The following TBC1D30 variants were observed in gnomAD, a reference collection of about 807,000 sequenced individuals.
TBC1D30 encodes TBC1 domain family, member 30.
Under a neutral mutation model 63.2 loss-of-function variants are expected in TBC1D30, and 31 were observed. The ratio of observed to expected loss-of-function variants is 0.49; its 90% CI spans 0.37 to 0.66. TBC1D30 has a LOEUF of 0.66. Among genes scored for constraint, TBC1D30 ranks in the 30% least tolerant of loss-of-function variants. The pLI is 0.00. For missense variants in TBC1D30, 810 were observed against 953.6 expected, an observed-to-expected ratio of 0.85 and a Z score of 1.98; for synonymous variants, 307 against 361.5, an observed-to-expected ratio of 0.85 and a Z score of 1.71.
chr12:64,818,449 T>A, intron 2 of TBC1D30: 4 of 976,746 alleles, frequency 4.1e-6, no homozygotes, highest in Non-Finnish European at 4.9e-6. Flanking sequence ...TATTTTTTTT[T>A]TTTTAGACAG....
At chr12:64,851,793 G>A (rs542032126) in intron 8 of TBC1D30, among the ~76,000 whole-genome samples, 1 of 152,288 alleles carries the variant, frequency 6.6e-6, no homozygotes, top group South Asian at 2.1e-4. Context: ...TAGTTTGGCT[G>A]GATGTGAGAT....
chr12:64,843,649 A>G (rs906155400), intron 8 of TBC1D30, among the ~76,000 whole-genome samples, 164 bp downstream of exon 8: 1 of 152,246 alleles, frequency 6.6e-6, no homozygotes, highest in African/African-American at 2.4e-5. Context: ...TCTATGTCAT[A>G]GAAGGAAGGA....
chr12:64,860,357 GT>G (rs971422776), intron 8 of TBC1D30, among the ~76,000 whole-genome samples: 2 of 152,050 alleles, frequency 1.3e-5, no homozygotes, highest in African/African-American at 4.8e-5. Context: ...ATTTTGCCAT[GT>G]TTCCCAGGCT....
chr12:64,867,769 GA>G (rs1878343320), intron 10 of TBC1D30, among the ~76,000 whole-genome samples: 1 of 152,092 alleles, frequency 6.6e-6, no homozygotes, highest in Non-Finnish European at 1.5e-5. Flanking sequence ...TGAGTGACAA[GA>G]AACTTATTAT....
chr12:64,770,101 T>C (rs11175543), intron 1 of TBC1D30, among the ~76,000 whole-genome samples: 1 of 152,354 alleles, frequency 6.6e-6, no homozygotes, highest in East Asian at 1.9e-4. Context: ...ACTAGGCTCA[T>C]CTGAAACTTC....
At chr12:64,759,966 T>A (rs1870437853) in intron 1 of TBC1D30, among the ~76,000 whole-genome samples, 1 of 152,208 alleles carries the variant, frequency 6.6e-6, no homozygotes, top group Non-Finnish European at 1.5e-5. Flanking sequence ...GGCTCAGACA[T>A]TAAATTCGGA....
intron 11 of TBC1D30, among the ~76,000 whole-genome samples, chr12:64,871,804 G>A (rs1878677703): frequency 6.6e-6 from 1 of 152,192 alleles, no homozygotes; most frequent in South Asian, 2.1e-4. Flanking sequence ...ATTGTCCAGG[G>A]TTATATAGCT....
chr12:64,763,066 C>T (rs2136267073), intron 1 of TBC1D30, among the ~76,000 whole-genome samples: 1 of 152,276 alleles, frequency 6.6e-6, no homozygotes, highest in South Asian at 2.1e-4. Flanking sequence ...AGCAATTCTC[C>T]TGCCTCAGCC....
chr12:64,807,990 A>G (rs1249227835), intron 2 of TBC1D30, among the ~76,000 whole-genome samples: 1 of 144,000 alleles, frequency 6.9e-6, no homozygotes, highest in Admixed American at 7.2e-5. Context: ...GCTGGCCTCA[A>G]GTGATCCCCT....
intron 2 of TBC1D30, among the ~76,000 whole-genome samples, chr12:64,815,967 A>G (rs1211158884): frequency 1.3e-5 from 2 of 151,980 alleles, no homozygotes; most frequent in African/African-American, 2.4e-5. Context: ...TTGTAGAGAC[A>G]GCGTTTTGTC....
At chr12:64,838,489 T>C (rs1950407270) in intron 6 of TBC1D30, among the ~76,000 whole-genome samples, 194 bp from the exon 7 acceptor site, 1 of 152,224 alleles carries the variant, frequency 6.6e-6, no homozygotes, top group Non-Finnish European at 1.5e-5. Context: ...TTTTTTGAAG[T>C]TCATATTTGT....
At chr12:64,790,009 G>C (rs1260699063) in intron 2 of TBC1D30, among the ~76,000 whole-genome samples, 2 of 152,174 alleles carry the variant, frequency 1.3e-5, no homozygotes, top group African/African-American at 4.8e-5. Flanking sequence ...CACACAGCTG[G>C]TAAGTATTTG....
chr12:64,810,853 T>A (rs1287509968), intron 2 of TBC1D30, among the ~76,000 whole-genome samples: 1 of 152,210 alleles, frequency 6.6e-6, no homozygotes, highest in Admixed American at 6.5e-5. Context: ...TGCTCAACCA[T>A]CCTTACTGTT....
chr12:64,843,032 G>A (rs1224656789), intron 7 of TBC1D30, among the ~76,000 whole-genome samples: 1 of 152,150 alleles, frequency 6.6e-6, no homozygotes, highest in African/African-American at 2.4e-5. Flanking sequence ...TTTTGAGACA[G>A]GGTCTCACTG....
intron 1 of TBC1D30, among the ~76,000 whole-genome samples, chr12:64,768,068 A>G (rs536550650): frequency 7.9e-5 from 12 of 152,324 alleles, no homozygotes; most frequent in Admixed American, 7.2e-4. Flanking sequence ...AGTGCTCTGT[A>G]ACAGGCAGGG....
At chr12:64,786,367 C>G (rs1464531352) in intron 2 of TBC1D30, among the ~76,000 whole-genome samples, 1 of 151,770 alleles carries the variant, frequency 6.6e-6, no homozygotes, top group Non-Finnish European at 1.5e-5. Context: ...AGTCTCACTC[C>G]GTCACCCAGG....
At chr12:64,844,290 A>G (rs1248344103) in intron 8 of TBC1D30, among the ~76,000 whole-genome samples, 2 of 151,836 alleles carry the variant, frequency 1.3e-5, no homozygotes, top group East Asian at 3.8e-4. Context: ...GTACGTCAAT[A>G]TCATATTCAT....
intron 8 of TBC1D30, among the ~76,000 whole-genome samples, chr12:64,858,234 T>G (rs568968741): frequency 4.6e-5 from 7 of 152,220 alleles, no homozygotes; most frequent in Admixed American, 2.6e-4. Context: ...AAACAAACAT[T>G]TATTGAGAAT....
chr12:64,772,237 CAAAAAA>C (rs747871090), intron 1 of TBC1D30, among the ~76,000 whole-genome samples: 1 of 49,316 alleles, frequency 2.0e-5, no homozygotes, highest in Non-Finnish European at 4.2e-5. Flanking sequence ...AACTCTGTCT[CAAAAAA>C]AAAAAAAAAA....
Sources: allele counts gnomAD v4.1 joint callset (sites outside exome capture counted in the v4.1 genomes callset), GRCh38; gene constraint gnomAD v4.1.1; transcripts MANE v1.5; gene names NCBI Gene and HGNC (gene_info 2026-07-23, HGNC 2026-07-21).